ZNF136: variants seen among roughly 807,000 people sequenced by gnomAD.
The protein encoded by ZNF136 is zinc finger protein 136, also known as zinc finger protein 136 (clone pHZ-20).
ZNF136 carries 8 observed loss-of-function variants against 11.4 expected under a neutral mutation model. That is an observed-to-expected ratio of 0.70 (90% CI 0.41 to 1.27). The LOEUF (loss-of-function observed/expected upper bound fraction) is 1.27. Among genes scored for constraint, ZNF136 ranks in the 50% most tolerant of loss-of-function variants. ZNF136 has a pLI of 0.01. For synonymous variants in ZNF136, 190 were observed against 207.1 expected (o/e 0.92, Z 0.71); for missense variants, 590 against 656.5 (o/e 0.90, Z 1.11).
chr19:12,171,351 T>C (rs1914649962), intron 1 of ZNF136, among the ~76,000 whole-genome samples: 1 of 152,222 alleles, frequency 6.6e-6, no homozygotes, highest in Non-Finnish European at 1.5e-5. Flanking sequence ...GACTTGGGAA[T>C]GCCAATGGAA....
chr19:12,185,640 G>A, intron 1 of ZNF136, 145 bp from the exon 2 acceptor site: 3 of 997,382 alleles, frequency 3.0e-6, no homozygotes, highest in Non-Finnish European at 4.3e-6. Context: ...GAGTTGCTGT[G>A]TGGAAGGAAG....
In ZNF136 at chr19:12,187,329, C is replaced by T; in HGVS notation, c.951C>T (p.Phe317=). ...AATGCAAGCAGTGTGGGAAGGCCTT[C>T]AGTTATCTCCCCTCCCTTCGACTAC... ...PYECKQCGKA[F]SYLPSLRLHE... is the part of the protein sequence containing the mutation. The change falls in exon 4 of 4, where the codon TTC becomes TTT. Residue 317 remains phenylalanine, a synonymous_variant. Transcript: ENST00000343979. The T allele has an allele frequency of 6.2e-7, 1 of 1,613,992 alleles. No homozygotes were observed. Among genetic ancestry groups the T allele is most frequent in the Non-Finnish European group, 8.5e-7 (1 of 1,179,986 alleles).
intron 1 of ZNF136, among the ~76,000 whole-genome samples, chr19:12,183,112 C>CT (rs1438059103): frequency 6.6e-6 from 1 of 151,522 alleles, no homozygotes; most frequent in Non-Finnish European, 1.5e-5. Flanking sequence ...CAGGTCTGTT[C>CT]TTTTTTGTGA....
At chr19:12,180,009 G>T (rs2145637152) in intron 1 of ZNF136, among the ~76,000 whole-genome samples, 2 of 152,110 alleles carry the variant, frequency 1.3e-5, no homozygotes, top group East Asian at 3.9e-4. Context: ...GGGACTACAG[G>T]TGCCCGCCAC....
Position 12,189,234 on chromosome 19 carries a change from T to A in ZNF136, c.*1233T>A, listed in dbSNP as rs1024792536. 1 of 152,266 alleles carries A rather than the reference T, an allele frequency of 6.6e-6. No homozygotes were observed. The highest frequency in any genetic ancestry group is 1.9e-4 in the East Asian group (1 of 5,200). The allele number at this position is 152,266 out of a possible 1,614,324, so 9.4% of individuals were successfully genotyped here. A position where few individuals can be genotyped will look rare whatever the true frequency, so the allele number is the denominator to read the frequency against. ...CCACTGAAAAATAAGTCTTAATAAATGTTGGTATGAACCTACTTGCTTCAT... is the reference window on the plus strand; with the variant it reads ...CCACTGAAAAATAAGTCTTAATAAAAGTTGGTATGAACCTACTTGCTTCAT... On this transcript the variant is annotated 3_prime_UTR_variant, in exon 4 of 4. Coordinates refer to ENST00000343979, the MANE Select transcript of ZNF136 (RefSeq NM_003437.5).
intron 1 of ZNF136, among the ~76,000 whole-genome samples, chr19:12,176,868 T>C (rs573360757): frequency 1.3e-4 from 20 of 152,266 alleles, no homozygotes; most frequent in South Asian, 6.2e-4. Flanking sequence ...TCTGAGGTGT[T>C]ATCTCTGAGG....
At chr19:12,170,667 ATTT>A (rs35653880) in intron 1 of ZNF136, among the ~76,000 whole-genome samples, 3 of 142,366 alleles carry the variant, frequency 2.1e-5, no homozygotes, top group Admixed American at 7.0e-5. Flanking sequence ...TGCTTCATAA[ATTT>A]TTTTTTTTTT....
intron 1 of ZNF136, among the ~76,000 whole-genome samples, chr19:12,175,952 G>A (rs1914779696): frequency 6.6e-6 from 1 of 152,090 alleles, no homozygotes; most frequent in East Asian, 1.9e-4. Flanking sequence ...TTGCGGGCAT[G>A]TGATCATGAA....
chr19:12,177,405 C>T (rs1599456281), intron 1 of ZNF136, among the ~76,000 whole-genome samples: 1 of 152,196 alleles, frequency 6.6e-6, no homozygotes, highest in Non-Finnish European at 1.5e-5. Context: ...TGCAGTGGCG[C>T]GATCTCGGCT....
At chr19:12,165,963 C>T (rs549532896) in intron 1 of ZNF136, among the ~76,000 whole-genome samples, 1 of 152,214 alleles carries the variant, frequency 6.6e-6, no homozygotes, top group Admixed American at 6.5e-5. Flanking sequence ...TGCGGTGGCT[C>T]ACGCCTGTAA....
chr19:12,181,636 C>G (rs986918309), intron 1 of ZNF136, among the ~76,000 whole-genome samples: 1 of 151,800 alleles, frequency 6.6e-6, no homozygotes, highest in Non-Finnish European at 1.5e-5. Context: ...CCACGCCCAG[C>G]TAATTTTTTT....
intron 1 of ZNF136, among the ~76,000 whole-genome samples, chr19:12,168,359 C>T (rs1303834045): frequency 6.6e-6 from 1 of 151,822 alleles, no homozygotes; most frequent in East Asian, 1.9e-4. Flanking sequence ...CAGGCATGAG[C>T]CACCACGCCC....
At chr19:12,177,880 G>A (rs1013939182) in intron 1 of ZNF136, among the ~76,000 whole-genome samples, 2 of 152,172 alleles carry the variant, frequency 1.3e-5, no homozygotes, top group African/African-American at 4.8e-5. Context: ...GTCTGAGGCA[G>A]GTGGATTGCC....
In ZNF136 at chr19:12,186,840, C is replaced by A. The variant is rs1306780868; in HGVS notation, c.462C>A (p.Ser154=). The A allele has an allele frequency of 6.2e-7, 1 of 1,614,138 alleles. No homozygotes were observed. Among genetic ancestry groups the A allele is most frequent in the Non-Finnish European group, 8.5e-7 (1 of 1,180,010 alleles). The part of the protein sequence containing the change: ...QCWKPFSSHH[S]FRTHEIIHTG... ...GGAAACCCTTCAGTTCTCACCACTC[C>A]TTTCGAACACATGAGATAATTCACA... The change falls in exon 4 of 4, where the codon TCC becomes TCA. Residue 154 remains serine (S), a synonymous_variant. Transcript: ENST00000343979.
chr19:12,176,482 A>G (rs564624236), intron 1 of ZNF136, among the ~76,000 whole-genome samples: 7 of 152,054 alleles, frequency 4.6e-5, no homozygotes, highest in Admixed American at 2.6e-4. Context: ...GCTTGCCACC[A>G]CACCCAGCTA....
In ZNF136 at chr19:12,187,802, C is replaced by G. The variant is rs1915155736; in HGVS notation, c.1424C>G (p.Pro475Arg). 1.9e-6 allele frequency: 3 copies of G among 1,607,862 alleles called. No homozygotes were observed. Among genetic ancestry groups the G allele is most frequent in the South Asian group, 1.1e-5 (1 of 90,034 alleles). ...THEMIHTGEK[P>R]FECKRCGKAF... ...GAAATGATTCACACTGGTGAGAAAC[C>G]CTTTGAATGTAAGCGATGTGGTAAA... The change falls in exon 4 of 4, where the codon CCC becomes CGC. Residue 475 changes from proline (P) to arginine (R), a missense_variant. Pro to Arg is a moderately radical substitution (Grantham distance 103, BLOSUM62 -2). Coordinates refer to ENST00000343979, the MANE Select transcript of ZNF136 (RefSeq NM_003437.5).
Position 12,170,135 on chromosome 19 carries a change from A to G in ZNF136, c.3+6929A>G, listed in dbSNP as rs59085901. ...AGTAGAGACGGGGTTTCGCTGTGTT[A>G]GCCAGGGTGGTCTCAATCTCCTGAC... On this transcript the variant is annotated intron_variant, in intron 1 of 3. Transcript: ENST00000343979. 4.5e-4 allele frequency among the ~76,000 whole-genome samples: 66 copies of G among 147,442 alleles called. No individual in the cohort carries two copies. In the East Asian group the frequency reaches 0.012, roughly 27 times the overall value.
At chr19:12,173,847 A>G (rs1025929271) in intron 1 of ZNF136, among the ~76,000 whole-genome samples, 1 of 152,020 alleles carries the variant, frequency 6.6e-6, no homozygotes, top group Admixed American at 6.6e-5. Flanking sequence ...AGATAGCTTC[A>G]TAATCGAATC....
chr19:12,187,155 ACC>A lies in ZNF136; in HGVS notation c.779_780del (p.Pro260LeufsTer11). On this transcript the variant is annotated frameshift_variant, in exon 4 of 4. Transcript: ENST00000343979. LOFTEE classifies it low-confidence loss of function (END_TRUNC). ...GPYKCKVCGKPFHSLSSFQVH... is the reference protein window; with the variant it reads ...GPYKCKVCGKXFHSLSSFQVH... ...CTTATAAATGTAAGGTATGTGGGAA[ACC>A]CTTTCATTCTCTGAGTTCATTTCAA... 6.2e-7 allele frequency: 1 copy of A among 1,614,092 alleles called. No homozygotes were observed. Among genetic ancestry groups the A allele is most frequent in the Non-Finnish European group, 8.5e-7 (1 of 1,180,006 alleles).
Sources: gnomAD v4.1 joint callset for allele counts (sites outside exome capture counted in the v4.1 genomes callset) on GRCh38, gnomAD v4.1.1 for gene constraint, MANE v1.5 for transcripts, NCBI Gene and HGNC (gene_info 2026-07-23, HGNC 2026-07-21) for gene names.